SPATA1: variants seen among roughly 807,000 people sequenced by gnomAD.
SPATA1 encodes the protein spermatogenesis-associated protein 1.
In SPATA1, 57 loss-of-function variants were observed where a neutral mutation model predicts 59.6. That is an observed-to-expected ratio of 0.96 (90% CI 0.77 to 1.19). SPATA1 has a LOEUF of 1.19. Among genes scored for constraint, SPATA1 ranks in the 50% most tolerant of loss-of-function variants. SPATA1 has a pLI of 0.00. For synonymous variants in SPATA1, 147 were observed against 163.9 expected (o/e 0.90, Z 0.79); for missense variants, 448 against 480.7 (o/e 0.93, Z 0.64).
chr1:84,530,410 A>AG (rs1683423039), intron 6 of SPATA1, among the ~76,000 whole-genome samples: 1 of 152,142 alleles, frequency 6.6e-6, no homozygotes, highest in African/African-American at 2.4e-5. Context: ...AGGGAGGGAG[A>AG]GAAGTACTAT....
intron 2 of SPATA1, among the ~76,000 whole-genome samples, chr1:84,518,495 A>G (rs919377920): frequency 6.6e-6 from 1 of 152,010 alleles, no homozygotes; most frequent in Non-Finnish European, 1.5e-5. Flanking sequence ...ATTTATATGT[A>G]TGTTTAAAAT....
At chr1:84,544,771 G>A (rs1350685710) in intron 9 of SPATA1, among the ~76,000 whole-genome samples, 1 of 151,604 alleles carries the variant, frequency 6.6e-6, no homozygotes, top group Non-Finnish European at 1.5e-5. Context: ...ATGTTGGCCA[G>A]GGTGGTCTCA....
At chr1:84,536,448 C>CT (rs775011071) in intron 8 of SPATA1, among the ~76,000 whole-genome samples, 121 of 152,116 alleles carry the variant, frequency 8.0e-4, no homozygotes, top group Non-Finnish European at 1.3e-3. Flanking sequence ...TTTATATCCA[C>CT]TTTTTTTTCT....
chr1:84,519,107 A>G (rs1402375848), intron 2 of SPATA1, among the ~76,000 whole-genome samples: 1 of 152,068 alleles, frequency 6.6e-6, no homozygotes, highest in Admixed American at 6.5e-5. Flanking sequence ...TTTTTTTAGT[A>G]AAATTAATGC....
intron 1 of SPATA1, among the ~76,000 whole-genome samples, chr1:84,510,699 T>C (rs1198145274): frequency 1.3e-5 from 2 of 152,202 alleles, no homozygotes; most frequent in African/African-American, 4.8e-5. Flanking sequence ...TATCGAGGTA[T>C]CAGCACTCCC....
At chr1:84,558,730 G>A (rs950122223), downstream of SPATA1, among the ~76,000 whole-genome samples, 5 of 151,728 alleles carry the variant, frequency 3.3e-5, no homozygotes, top group African/African-American at 7.3e-5. Flanking sequence ...GAAAGACCCC[G>A]TCTCTACAAA....
At chr1:84,509,313 T>C (rs113254401) in intron 1 of SPATA1, among the ~76,000 whole-genome samples, 8,916 of 152,176 alleles carry the variant, frequency 0.059, 411 homozygotes, top group African/African-American at 0.12. Flanking sequence ...AGAACATACA[T>C]TGGAGAAAGG....
chr1:84,512,140 A>AT (rs1441194682), intron 1 of SPATA1, among the ~76,000 whole-genome samples: 1 of 152,210 alleles, frequency 6.6e-6, no homozygotes, highest in Admixed American at 6.5e-5. Context: ...CGCCTTGGTG[A>AT]TTTAAGAATC....
chr1:84,556,097 AT>A (rs1456703587), downstream of SPATA1: 3 of 152,176 alleles, frequency 2.0e-5, no homozygotes, highest in Non-Finnish European at 4.4e-5. Flanking sequence ...TGAGCCATAA[AT>A]TAGATTCTGG....
chr1:84,512,341 C>A (rs1214228457), intron 1 of SPATA1, among the ~76,000 whole-genome samples: 1 of 152,160 alleles, frequency 6.6e-6, no homozygotes, highest in Non-Finnish European at 1.5e-5. Flanking sequence ...CACACTCAGA[C>A]CAACGAATGG....
At chr1:84,530,549 TAGAAAAA>T (rs1169379429) in intron 6 of SPATA1, among the ~76,000 whole-genome samples, 1 of 152,128 alleles carries the variant, frequency 6.6e-6, no homozygotes, top group East Asian at 1.9e-4. Context: ...ATTTTAGTTC[TAGAAAAA>T]CAGCTTAGGT....
At chr1:84,563,389 A>C in intron 4 of SPATA1, 2 of 1,577,236 alleles carry the variant, frequency 1.3e-6, no homozygotes, top group Non-Finnish European at 1.7e-6. Flanking sequence ...CCCCCCGGAA[A>C]GGGACTTTTG....
At chr1:84,550,800 A>G (rs1475811428) in intron 12 of SPATA1, 10 of 1,021,510 alleles carry the variant, frequency 9.8e-6, no homozygotes, top group Admixed American at 5.6e-5. Flanking sequence ...GTGAGTCAAT[A>G]TATTCTCAAA....
At chr1:84,525,776 T>C (rs746355554) in intron 5 of SPATA1, 27 bp downstream of exon 5, 9 of 1,605,090 alleles carry the variant, frequency 5.6e-6, no homozygotes, top group African/African-American at 2.7e-5. Flanking sequence ...TTTAAACTTA[T>C]GCTAATTTTT....
At chr1:84,517,030 G>T (rs1248063254) in intron 2 of SPATA1, among the ~76,000 whole-genome samples, 1 of 152,074 alleles carries the variant, frequency 6.6e-6, no homozygotes, top group Non-Finnish European at 1.5e-5. Context: ...CTGCGGTCAA[G>T]ATTTCACCTC....
At chr1:84,546,055 C>G (rs1385191632) in intron 10 of SPATA1, among the ~76,000 whole-genome samples, 1 of 152,038 alleles carries the variant, frequency 6.6e-6, no homozygotes, top group East Asian at 1.9e-4. Flanking sequence ...TGAATCTGGC[C>G]ACTATTCTAG....
At chr1:84,544,139 G>T in intron 8 of SPATA1, 63 bp from the exon 9 acceptor site, 1 of 1,084,898 alleles carries the variant, frequency 9.2e-7, no homozygotes, top group East Asian at 2.6e-5. Context: ...AAATACCTAC[G>T]GGCAAGTGAA....
At chr1:84,545,930 CTACTT>C (rs371592388) in intron 10 of SPATA1, among the ~76,000 whole-genome samples, 171 bp downstream of exon 10, 229 of 152,244 alleles carry the variant, frequency 1.5e-3, no homozygotes, top group African/African-American at 5.2e-3. Context: ...TTATGCAACT[CTACTT>C]TATAGAATAA....
At chr1:84,533,544 G>GATT (rs1558595990) in intron 7 of SPATA1, among the ~76,000 whole-genome samples, 165 bp from the exon 8 acceptor site, 3 of 151,760 alleles carry the variant, frequency 2.0e-5, no homozygotes. Flanking sequence ...GCTTTACATG[G>GATT]ATTACTAATG....
Sources: allele counts gnomAD v4.1 joint callset (sites outside exome capture counted in the v4.1 genomes callset), GRCh38; gene constraint gnomAD v4.1.1; transcripts MANE v1.5; gene names NCBI Gene and HGNC (gene_info 2026-07-23, HGNC 2026-07-21).